The following TMEM232 variants were observed in gnomAD, a reference collection of about 807,000 sequenced individuals.
TMEM232 encodes the protein transmembrane protein 232.
In TMEM232, 80 loss-of-function variants were observed where a neutral mutation model predicts 78.8. That is an observed-to-expected ratio of 1.01 (90% CI 0.85 to 1.22). The LOEUF (loss-of-function observed/expected upper bound fraction) is 1.22, where lower values mean the gene tolerates loss of function less well. Among genes scored for constraint, TMEM232 ranks in the 50% most tolerant of loss-of-function variants. The pLI is 0.00. For missense variants in TMEM232, 881 were observed against 742.2 expected (o/e 1.19, Z -2.17); for synonymous variants, 297 against 254.3 (o/e 1.17, Z -1.60).
intron 8 of TMEM232, chr5:110,610,702 G>C (rs1782159131): frequency 2.8e-6 from 1 of 351,564 alleles, no homozygotes; most frequent in Non-Finnish European, 5.6e-6. Flanking sequence ...AAAAACAAGA[G>C]GACTGACGAC....
At chr5:110,406,906 GTTGCCATCTCT>G (rs1238295451) in intron 2 of TMEM232, among the ~76,000 whole-genome samples, 1 of 152,044 alleles carries the variant, frequency 6.6e-6, no homozygotes, top group African/African-American at 2.4e-5. Context: ...TCTAAGATAA[GTTGCCATCTCT>G]TTAAAATAAC....
intron 12 of TMEM232, among the ~76,000 whole-genome samples, chr5:110,517,087 C>T (rs1166660869): frequency 2.0e-5 from 3 of 152,134 alleles, no homozygotes; most frequent in Non-Finnish European, 4.4e-5. Flanking sequence ...TTGTTGAAAA[C>T]ACAAAATGGA....
intron 12 of TMEM232, among the ~76,000 whole-genome samples, chr5:110,467,751 A>G (rs1157709553): frequency 1.3e-5 from 2 of 152,288 alleles, no homozygotes; most frequent in South Asian, 4.1e-4. Flanking sequence ...AAATAAATAA[A>G]AATATATTTT....
At chr5:110,703,589 A>C (rs1389658473) in intron 1 of TMEM232, among the ~76,000 whole-genome samples, 1 of 152,076 alleles carries the variant, frequency 6.6e-6, no homozygotes, top group African/African-American at 2.4e-5. Flanking sequence ...ATAAATACGT[A>C]TTAGTTAAGA....
intron 10 of TMEM232, among the ~76,000 whole-genome samples, chr5:110,585,811 C>A (rs1490966571): frequency 6.6e-6 from 1 of 152,074 alleles, no homozygotes; most frequent in African/African-American, 2.4e-5. Flanking sequence ...TGATTTAGGG[C>A]TATTTTCCTG....
At chr5:110,461,660 A>G (rs1805995685) in intron 12 of TMEM232, among the ~76,000 whole-genome samples, 1 of 152,228 alleles carries the variant, frequency 6.6e-6, no homozygotes, top group Admixed American at 6.5e-5. Flanking sequence ...GCTTGGCTTC[A>G]AAGTTTCAAA....
intron 12 of TMEM232, among the ~76,000 whole-genome samples, chr5:110,506,671 T>C (rs1309387412): frequency 4.6e-5 from 7 of 152,160 alleles, no homozygotes; most frequent in African/African-American, 1.4e-4. Flanking sequence ...AGGAATCACT[T>C]TGTGACAGTG....
At chr5:110,698,886 TC>T (rs1795115882) in intron 1 of TMEM232, among the ~76,000 whole-genome samples, 1 of 152,038 alleles carries the variant, frequency 6.6e-6, no homozygotes, top group Non-Finnish European at 1.5e-5. Context: ...CCTTTTATAT[TC>T]CTTCTGAGAG....
At chr5:110,597,151 A>G (rs1329847446) in intron 10 of TMEM232, among the ~76,000 whole-genome samples, 1 of 152,184 alleles carries the variant, frequency 6.6e-6, no homozygotes, top group Non-Finnish European at 1.5e-5. Context: ...TAAGCTGATA[A>G]GCAACTTCAG....
rs116220713 is a variant in TMEM232, at chr5:110,634,238, A to C, written c.501+3960T>G. On this transcript the variant is annotated intron_variant, in intron 5 of 13. Transcript: ENST00000455884. ...TAAATAGAAATATAGACTCCAATAC[A>C]TTAATAGTGGAGAACTTCAACACTC... 7.3e-3 allele frequency among the ~76,000 whole-genome samples: 1,110 copies of C among 152,256 alleles called. 15 individuals carry two copies. The highest frequency in any genetic ancestry group is 0.025 in the African/African-American group (1,058 of 41,562).
chr5:110,394,754 G>T (rs758692808), intron 3 of TMEM232, among the ~76,000 whole-genome samples: 77 of 152,056 alleles, frequency 5.1e-4, no homozygotes, highest in Non-Finnish European at 5.1e-4. Context: ...AAATCATCTA[G>T]TGTTACCTTC....
chr5:110,687,666 C>G (rs1006171104), intron 1 of TMEM232, among the ~76,000 whole-genome samples: 1 of 152,024 alleles, frequency 6.6e-6, no homozygotes, highest in African/African-American at 2.4e-5. Flanking sequence ...ATTACAAAGT[C>G]AAATTTTCTC....
At chr5:110,492,922 G>T (rs1765265783) in intron 12 of TMEM232, among the ~76,000 whole-genome samples, 1 of 151,988 alleles carries the variant, frequency 6.6e-6, no homozygotes, top group Admixed American at 6.6e-5. Flanking sequence ...TCAAAATGAT[G>T]TAGGGGTTGG....
upstream of TMEM232, among the ~76,000 whole-genome samples, chr5:110,728,972 C>T (rs776939927): frequency 4.3e-4 from 65 of 151,916 alleles, no homozygotes; most frequent in Middle Eastern, 3.4e-3. Flanking sequence ...GCAACCTCCA[C>T]CTCCTGGGTT....
chr5:110,649,831 G>A (rs1330039882), intron 2 of TMEM232, among the ~76,000 whole-genome samples: 1 of 151,888 alleles, frequency 6.6e-6, no homozygotes, highest in Non-Finnish European at 1.5e-5. Flanking sequence ...TCAATGTATG[G>A]CAATATAGTT....
intron 11 of TMEM232, among the ~76,000 whole-genome samples, chr5:110,565,735 C>T (rs1231009932): frequency 6.6e-6 from 1 of 151,832 alleles, no homozygotes; most frequent in African/African-American, 2.4e-5. Context: ...TATTCAGTTA[C>T]CTGCTAAATG....
At chr5:110,487,389 G>C (rs539123636) in intron 12 of TMEM232, among the ~76,000 whole-genome samples, 14 of 152,194 alleles carry the variant, frequency 9.2e-5, no homozygotes, top group Admixed American at 9.2e-4. Flanking sequence ...TCTTGTTCCA[G>C]TTCTCAGAGG....
Position 110,435,729 on chromosome 5 carries a change from C to T in TMEM232, c.1704-10813G>A, listed in dbSNP as rs148525529. ...GTGATGTTTGTCTTTCTGTGCCTGG[C>T]TTATTTCACCTAACATGATGAACTC... On this transcript the variant is annotated intron_variant, in intron 12 of 13. Coordinates refer to ENST00000455884, the MANE Select transcript of TMEM232 (RefSeq NM_001039763.4). Among the ~76,000 whole-genome samples the T allele has an allele frequency of 3.4e-3, 520 of 151,946 alleles. 1 individual carries two copies. Among genetic ancestry groups the T allele is most frequent in the Non-Finnish European group, 5.5e-3 (371 of 67,856 alleles).
At chr5:110,703,222 AG>A (rs1339477276) in intron 1 of TMEM232, among the ~76,000 whole-genome samples, 1 of 152,076 alleles carries the variant, frequency 6.6e-6, no homozygotes, top group Admixed American at 6.6e-5. Flanking sequence ...AGAAAAAGGC[AG>A]ATATAGCTAA....
Sources: allele counts gnomAD v4.1 joint callset (sites outside exome capture counted in the v4.1 genomes callset), GRCh38; gene constraint gnomAD v4.1.1; transcripts MANE v1.5; gene names NCBI Gene and HGNC (gene_info 2026-07-23, HGNC 2026-07-21).